Variants in RBFOX1 observed in about 807,000 individuals in gnomAD.
RBFOX1 encodes RNA binding protein fox-1 homolog 1.
RBFOX1 carries 8 observed loss-of-function variants against 57.7 expected under a neutral mutation model. That is an observed-to-expected ratio of 0.14 (90% CI 0.08 to 0.25). RBFOX1 has a LOEUF of 0.25. Ranked by LOEUF, RBFOX1 falls within the 10% of genes least tolerant of loss-of-function variation. The pLI is 1.00. For synonymous variants in RBFOX1, 326 were observed against 222.4 expected (o/e 1.47, Z -4.15); for missense variants, 611 against 548.5 (o/e 1.11, Z -1.14).
intron 2 of RBFOX1, among the ~76,000 whole-genome samples, chr16:6,613,560 G>C (rs1042429626): frequency 1.3e-5 from 2 of 152,108 alleles, no homozygotes; most frequent in South Asian, 4.1e-4. Context: ...GCTATGGAAC[G>C]CTAGATGATT....
intron 4 of RBFOX1, among the ~76,000 whole-genome samples, chr16:7,062,891 CCATTTTTTTTTTTT>C: frequency 9.2e-5 from 2 of 21,632 alleles, no homozygotes; most frequent in African/African-American, 5.1e-4. Flanking sequence ...CAAATGATCG[CCATTTTTTTTTTTT>C]TTTTTTTTTT....
intron 4 of RBFOX1, among the ~76,000 whole-genome samples, chr16:7,338,626 C>T (rs1301542014): frequency 6.6e-6 from 1 of 152,162 alleles, no homozygotes; most frequent in Non-Finnish European, 1.5e-5. Flanking sequence ...CTCCTGGTCT[C>T]AGACACACAC....
At chr16:5,903,365 A>G (rs191749349) in intron 4 of RBFOX1, among the ~76,000 whole-genome samples, 2 of 152,124 alleles carry the variant, frequency 1.3e-5, no homozygotes, top group Admixed American at 6.6e-5. Flanking sequence ...GACTATGCCT[A>G]TTCTTCCTGA....
chr16:7,311,458 T>A (rs1055131703), intron 4 of RBFOX1, among the ~76,000 whole-genome samples: 2 of 150,198 alleles, frequency 1.3e-5, no homozygotes, highest in Non-Finnish European at 2.9e-5. Flanking sequence ...CATAAAAGGT[T>A]TAGTCTTGAT....
chr16:5,454,932 TTC>T (rs1567535598), intron 1 of RBFOX1, among the ~76,000 whole-genome samples: 1,365 of 63,420 alleles, frequency 0.022, 34 homozygotes, highest in East Asian at 0.044. Flanking sequence ...TCTTTCTTCC[TTC>T]CTTCCTTCCT....
At chr16:7,177,310 G>T (rs563854109) in intron 4 of RBFOX1, among the ~76,000 whole-genome samples, 3 of 152,238 alleles carry the variant, frequency 2.0e-5, no homozygotes, top group African/African-American at 7.2e-5. Context: ...CAAACAAAAA[G>T]CCCTGAAGGC....
chr16:6,244,567 G>A lies in RBFOX1; in HGVS notation c.-126-72428G>A, dbSNP rs529364280. ...AGCCCAGGCTGGAGTGCAGTGGTGCGATCTCAGCTCACTGCAATGTTCGCC... is the reference window on the plus strand; with the variant it reads ...AGCCCAGGCTGGAGTGCAGTGGTGCAATCTCAGCTCACTGCAATGTTCGCC... On this transcript the variant is annotated intron_variant, in intron 1 of 15. Transcript: ENST00000550418. Among the ~76,000 whole-genome samples the A allele has an allele frequency of 7.9e-5, 12 of 152,208 alleles. No homozygotes were observed. In the East Asian group the frequency reaches 9.7e-4, roughly 12 times the overall value.
intron 3 of RBFOX1, among the ~76,000 whole-genome samples, chr16:5,799,062 G>C (rs934015202): frequency 6.6e-6 from 1 of 152,152 alleles, no homozygotes; most frequent in Non-Finnish European, 1.5e-5. Context: ...TAAAGAAAAA[G>C]AGTTTTCATG....
intron 2 of RBFOX1, among the ~76,000 whole-genome samples, chr16:5,473,313 T>G (rs979499447): frequency 6.6e-6 from 1 of 152,226 alleles, no homozygotes; most frequent in Admixed American, 6.5e-5. Flanking sequence ...AAACAGACCT[T>G]ACCTGACACC....
intron 3 of RBFOX1, among the ~76,000 whole-genome samples, chr16:5,797,995 C>G (rs1034896228): frequency 6.6e-6 from 1 of 152,152 alleles, no homozygotes; most frequent in African/African-American, 2.4e-5. Context: ...TTGTATGCAC[C>G]TACTGTGTGC....
At chr16:5,712,432 A>T (rs910860603) in intron 3 of RBFOX1, among the ~76,000 whole-genome samples, 5 of 152,198 alleles carry the variant, frequency 3.3e-5, no homozygotes, top group African/African-American at 4.8e-5. Context: ...AGGACCAGTT[A>T]TTGGGCTCAG....
At chr16:5,830,352 A>G (rs1205708062) in intron 3 of RBFOX1, among the ~76,000 whole-genome samples, 1 of 151,490 alleles carries the variant, frequency 6.6e-6, no homozygotes, top group Non-Finnish European at 1.5e-5. Flanking sequence ...TAATGAGATC[A>G]TTAAATTTCC....
intron 4 of RBFOX1, among the ~76,000 whole-genome samples, chr16:5,914,868 C>G (rs1368798789): frequency 2.0e-5 from 3 of 151,958 alleles, no homozygotes; most frequent in Non-Finnish European, 2.9e-5. Context: ...GCACTCCAGC[C>G]TAGGCGACAG....
At chr16:7,048,335 C>A (rs866555433) in intron 3 of RBFOX1, among the ~76,000 whole-genome samples, 1 of 152,154 alleles carries the variant, frequency 6.6e-6, no homozygotes, top group Admixed American at 6.5e-5. Context: ...TCTTGGCTCA[C>A]TGCAACCTCT....
chr16:6,154,539 G>A (rs939116619), intron 1 of RBFOX1, among the ~76,000 whole-genome samples: 27 of 152,160 alleles, frequency 1.8e-4, no homozygotes, highest in African/African-American at 6.5e-4. Context: ...AGGATAGTGG[G>A]AGCCAGCGGT....
chr16:6,927,220 C>A (rs1184292991), intron 3 of RBFOX1, among the ~76,000 whole-genome samples: 1 of 151,504 alleles, frequency 6.6e-6, no homozygotes, highest in Non-Finnish European at 1.5e-5. Flanking sequence ...AACCCTAGGT[C>A]CTGCTGAAGC....
At position 6,958,341 on chromosome 16, in the gene RBFOX1, C is replaced by G. The variant is rs1338110362; in HGVS notation, c.-15-93716C>G. ...ACATTAGAACTTAACCTTCTGAATC[C>G]TCAAGTAGCATTTTTATCACCCACC... On this transcript the variant is annotated intron_variant, in intron 3 of 15. Transcript: ENST00000550418. 2.0e-5 allele frequency among the ~76,000 whole-genome samples: 3 copies of G among 152,176 alleles called. 1 individual carries two copies. In the East Asian group the frequency reaches 5.8e-4, roughly 29 times the overall value.
At chr16:7,546,254 A>G (rs2084490334) in intron 5 of RBFOX1, among the ~76,000 whole-genome samples, 1 of 152,044 alleles carries the variant, frequency 6.6e-6, no homozygotes, top group Middle Eastern at 3.4e-3. Flanking sequence ...TTGAACCCGG[A>G]GGGTGGAGGT....
intron 14 of RBFOX1, among the ~76,000 whole-genome samples, chr16:7,708,034 G>GTTGCCCTAAGAGATTC (rs1206094535): frequency 1.3e-5 from 2 of 152,176 alleles, no homozygotes; most frequent in Non-Finnish European, 2.9e-5. Context: ...AAGCACGCAA[G>GTTGCCCTAAGAGATTC]TTGCCCTAAG....
Sources: allele counts gnomAD v4.1 joint callset (sites outside exome capture counted in the v4.1 genomes callset), GRCh38; gene constraint gnomAD v4.1.1; transcripts MANE v1.5; gene names NCBI Gene and HGNC (gene_info 2026-07-23, HGNC 2026-07-21).